The following FNIP2 variants were observed in gnomAD, a reference collection of about 807,000 sequenced individuals.
FNIP2 encodes the protein folliculin interacting protein 2, also known as folliculin-interacting protein 2.
FNIP2 carries 32 observed loss-of-function variants against 108.7 expected under a neutral mutation model. The observed-to-expected ratio is 0.29, with a 90% CI of 0.22 to 0.40. The LOEUF (loss-of-function observed/expected upper bound fraction) is 0.40, where lower values mean the gene tolerates loss of function less well. FNIP2 is among the 10% of genes least tolerant of loss of function. The pLI is 1.00. For synonymous variants in FNIP2, 480 were observed against 496.7 expected, an observed-to-expected ratio of 0.97 and a Z score of 0.45; for missense variants, 1,202 against 1,381.6, an observed-to-expected ratio of 0.87 and a Z score of 2.06.
intron 7 of FNIP2, among the ~76,000 whole-genome samples, chr4:158,845,234 A>C (rs894334991): frequency 6.6e-6 from 1 of 152,230 alleles, no homozygotes; most frequent in Non-Finnish European, 1.5e-5. Context: ...TTTAACTAAA[A>C]GTCTTGGCAT....
intron 14 of FNIP2, among the ~76,000 whole-genome samples, chr4:158,890,960 G>A (rs1057480036): frequency 6.6e-6 from 1 of 152,106 alleles, no homozygotes; most frequent in Admixed American, 6.6e-5. Flanking sequence ...CAGTCTCACC[G>A]GGCCTTGTCT....
At chr4:158,858,714 G>C (rs1188326484) in intron 8 of FNIP2, among the ~76,000 whole-genome samples, 1 of 151,962 alleles carries the variant, frequency 6.6e-6, no homozygotes, top group East Asian at 1.9e-4. Flanking sequence ...CTTATCTATT[G>C]GTATCTGACT....
chr4:158,893,719 TG>T, intron 15 of FNIP2: 1 of 1,580,060 alleles, frequency 6.3e-7, no homozygotes, highest in Non-Finnish European at 8.6e-7. Flanking sequence ...TTTCCTTTTC[TG>T]TAAGAGAAGT....
chr4:158,841,826 C>T (rs753767309), intron 7 of FNIP2, among the ~76,000 whole-genome samples: 9 of 152,248 alleles, frequency 5.9e-5, no homozygotes, highest in African/African-American at 9.6e-5. Flanking sequence ...TCCCCAGCAA[C>T]GGGATATCCC....
chr4:158,828,991 G>T lies in FNIP2; in HGVS notation c.235-88G>T, dbSNP rs1390693760. ...TTTAATGCAACCTAGGCACCAGAAT[G>T]CTTTTAAAAAGGAATTCCCAATGAA... On this transcript the variant is annotated intron_variant, in intron 2 of 16. Transcript: ENST00000264433. 1.1e-5 allele frequency: 12 copies of T among 1,113,960 alleles called. No homozygotes were observed. The Admixed American group carries it at 3.9e-4, about 36-fold the overall frequency. 69.0% of individuals were successfully genotyped at this position (1,113,960 alleles called of 1,614,324 possible). A position where few individuals can be genotyped will look rare whatever the true frequency, so the allele number is the denominator to read the frequency against.
intron 16 of FNIP2, among the ~76,000 whole-genome samples, chr4:158,903,373 C>T (rs1560850676): frequency 1.3e-5 from 2 of 152,310 alleles, no homozygotes; most frequent in Admixed American, 1.3e-4. Context: ...AATCACCCAC[C>T]TTCTGCGTCG....
At chr4:158,781,557 C>T (rs1776047688) in intron 1 of FNIP2, among the ~76,000 whole-genome samples, 1 of 152,142 alleles carries the variant, frequency 6.6e-6, no homozygotes, top group Admixed American at 6.5e-5. Flanking sequence ...CTCTGTCGCC[C>T]AGGCTGGAGT....
chr4:158,772,635 G>A (rs559935702), intron 1 of FNIP2, among the ~76,000 whole-genome samples: 1 of 152,160 alleles, frequency 6.6e-6, no homozygotes, highest in East Asian at 1.9e-4. Context: ...AGGCCAAATG[G>A]CCTAGTAAGT....
rs772673438 is a variant in FNIP2 at position 158,851,396 on chromosome 4, G to A, written c.803G>A (p.Arg268His). ...SSTSSSSSYQ[R>H]RWLRSQTTSL... is the part of the protein sequence containing the mutation. ...ACATCTTCTTCCAGCAGTTACCAGC[G>A]CCGCTGGCTTCGAAGTCAGACAACA... is the stretch of plus-strand genomic sequence containing the variant. Residue 268 changes from arginine to histidine, a missense_variant, in exon 8 of 17, where the codon CGC (arginine) becomes CAC (histidine). Transcript: ENST00000264433. 1.2e-6 allele frequency: 2 copies of A among 1,613,792 alleles called. No homozygotes were observed. The highest frequency in any genetic ancestry group is 1.7e-6 in the Non-Finnish European group (2 of 1,179,846).
rs2126815390 is a variant in FNIP2, at chr4:158,905,638, A to G, written c.*1094A>G. The G allele has an allele frequency of 6.6e-6, 1 of 151,704 alleles. No homozygotes were observed. Among genetic ancestry groups the G allele is most frequent in the African/African-American group, 2.4e-5 (1 of 41,366 alleles). 9.4% of individuals were successfully genotyped at this position (151,704 alleles called of 1,614,324 possible). Reference sequence around the variant, plus strand: ...TGCATCCTTTTCAAAACATCTTTCCAGACATTAACTTACACATTGTATAAA... The same window carrying G: ...TGCATCCTTTTCAAAACATCTTTCCGGACATTAACTTACACATTGTATAAA... On this transcript the variant is annotated 3_prime_UTR_variant, in exon 17 of 17. Transcript: ENST00000264433.
At chr4:158,882,715 T>C (rs1429673536) in intron 14 of FNIP2, among the ~76,000 whole-genome samples, 1 of 152,220 alleles carries the variant, frequency 6.6e-6, no homozygotes, top group Non-Finnish European at 1.5e-5. Flanking sequence ...GGGTGCTCTC[T>C]GAAACATGTG....
intron 1 of FNIP2, among the ~76,000 whole-genome samples, chr4:158,814,109 C>G (rs1383384060): frequency 6.6e-6 from 1 of 152,150 alleles, no homozygotes; most frequent in Non-Finnish European, 1.5e-5. Flanking sequence ...CCTCCTTCTT[C>G]TTTTAAGAGA....
intron 1 of FNIP2, among the ~76,000 whole-genome samples, chr4:158,771,322 C>T (rs1775691666): frequency 6.6e-6 from 1 of 152,214 alleles, no homozygotes; most frequent in African/African-American, 2.4e-5. Context: ...GCTCACCAGA[C>T]TGACAAAGGA....
chr4:158,769,385 G>A, intron 1 of FNIP2, 66 bp downstream of exon 1: 2 of 1,116,216 alleles, frequency 1.8e-6, no homozygotes, highest in Non-Finnish European at 2.4e-6. Context: ...CGCCGGGGAG[G>A]GGACGGGTAG....
intron 8 of FNIP2, among the ~76,000 whole-genome samples, chr4:158,855,456 CT>C (rs537334595): frequency 6.6e-6 from 1 of 150,532 alleles, no homozygotes; most frequent in Non-Finnish European, 1.5e-5. Context: ...GTGAAGATCC[CT>C]TTTTTTTTGA....
At chr4:158,793,809 C>T (rs1776497260) in intron 1 of FNIP2, among the ~76,000 whole-genome samples, 1 of 152,076 alleles carries the variant, frequency 6.6e-6, no homozygotes, top group African/African-American at 2.4e-5. Context: ...TCCTATTGGC[C>T]ACTGGGTTAG....
intron 14 of FNIP2, among the ~76,000 whole-genome samples, chr4:158,882,749 G>C (rs1781753970): frequency 6.6e-6 from 1 of 152,152 alleles, no homozygotes; most frequent in Admixed American, 6.5e-5. Flanking sequence ...GGGTTAAATG[G>C]ATTAAGGGCG....
chr4:158,835,139 T>A (rs1778728985), intron 6 of FNIP2: 1 of 188,268 alleles, frequency 5.3e-6, no homozygotes, highest in East Asian at 1.3e-4. Flanking sequence ...CAGAGTTTTT[T>A]TTTTAAGAGT....
In FNIP2 at chr4:158,849,170, A is replaced by C. The variant is rs182312374; in HGVS notation, c.728-2151A>C. Among the ~76,000 whole-genome samples the C allele has an allele frequency of 3.3e-5, 5 of 152,342 alleles. No individual in the cohort carries two copies. In the East Asian group the frequency reaches 9.6e-4, roughly 29 times the overall value. ...TAGCCAGCTCTTACATAGAAAGGCA[A>C]GGGAATGTTAAAGTAATATTTCTAG... On this transcript the variant is annotated intron_variant, in intron 7 of 16. Transcript: ENST00000264433.
Sources: gnomAD v4.1 joint callset for allele counts (sites outside exome capture counted in the v4.1 genomes callset) on GRCh38, gnomAD v4.1.1 for gene constraint, MANE v1.5 for transcripts, NCBI Gene and HGNC (gene_info 2026-07-23, HGNC 2026-07-21) for gene names.